DNAH11: variants seen among roughly 807,000 people sequenced by gnomAD.
DNAH11 encodes the protein dynein axonemal heavy chain 11.
A neutral mutation model predicts 526.0 loss-of-function variants in DNAH11; 442 were observed. That is an observed-to-expected ratio of 0.84 (90% CI 0.78 to 0.91). DNAH11 has a LOEUF of 0.91. DNAH11 is among the 40% of genes least tolerant of loss of function. DNAH11 has a pLI of 0.00. For synonymous variants in DNAH11, 2,461 were observed against 1,935.9 expected (o/e 1.27, Z -7.12); for missense variants, 6,989 against 5,448.7 (o/e 1.28, Z -8.90).
Position 21,655,849 on chromosome 7 carries a change from C to G in DNAH11, c.4962C>G (p.Ala1654=). The G allele has an allele frequency of 6.2e-7, 1 of 1,612,970 alleles. No individual in the cohort carries two copies. ...CATTTTAGGTAACATGTCACCTTGC[C>G]AAACTTTTCGACAGCATTGCAGATC... The part of the protein sequence containing the change: ...AQPKQVTCHL[A]KLFDSIADLQ... Residue 1654 remains alanine (A), a synonymous_variant, in exon 29 of 82, where the codon GCC becomes GCG. Transcript: ENST00000409508.
intron 20 of DNAH11, 137 bp from the exon 21 acceptor site, chr7:21,614,977 G>A (rs1362646422): frequency 7.8e-6 from 8 of 1,026,798 alleles, no homozygotes; most frequent in Middle Eastern, 2.2e-4. Flanking sequence ...CATTTTGCCA[G>A]TAATTACGCT....
At position 21,773,875 on chromosome 7, in the gene DNAH11, C is replaced by A; in HGVS notation, c.9212C>A (p.Pro3071Gln). Residue 3071 changes from proline to glutamine, a missense_variant, in exon 56 of 82, where the codon CCA becomes CAA. Pro to Gln is a moderately conservative substitution (Grantham distance 76). Transcript: ENST00000409508. ...QNERRHNYTTPKSFLEQISLF... is the reference protein window; with the variant it reads ...QNERRHNYTTQKSFLEQISLF... ...GAGAGAAGACACAACTATACCACCCCAAAGAGTTTTCTAGAACAAATATCA... is the reference window on the plus strand; with the variant it reads ...GAGAGAAGACACAACTATACCACCCAAAAGAGTTTTCTAGAACAAATATCA... The A allele has an allele frequency of 6.2e-7, 1 of 1,604,980 alleles. No individual in the cohort carries two copies. Among genetic ancestry groups the A allele is most frequent in the East Asian group, 2.2e-5 (1 of 44,510 alleles).
At chr7:21,632,935 A>G (rs147282375) in intron 25 of DNAH11, among the ~76,000 whole-genome samples, 3 of 152,302 alleles carry the variant, frequency 2.0e-5, no homozygotes, top group African/African-American at 2.4e-5. Flanking sequence ...AGATTGGGCA[A>G]TTTGTAAAAG....
chr7:21,556,194 C>G (rs903365844), intron 2 of DNAH11, among the ~76,000 whole-genome samples: 5 of 152,170 alleles, frequency 3.3e-5, no homozygotes, highest in African/African-American at 1.2e-4. Context: ...GTGAAACTTT[C>G]CTCCCTTTTA....
At chr7:21,899,618 G>A (rs774716678) in intron 80 of DNAH11, among the ~76,000 whole-genome samples, 170 bp downstream of exon 80, 20 of 152,172 alleles carry the variant, frequency 1.3e-4, no homozygotes, top group Non-Finnish European at 2.6e-4. Flanking sequence ...CTGGGCAGGC[G>A]AGTAGCAGCA....
chr7:21,656,450 G>A (rs1472605870), intron 29 of DNAH11, among the ~76,000 whole-genome samples: 4 of 152,126 alleles, frequency 2.6e-5, no homozygotes, highest in South Asian at 2.1e-4. Context: ...AAAGTTGATC[G>A]AGTCTAGCAA....
At chr7:21,767,696 G>A (rs1020463294) in intron 55 of DNAH11, among the ~76,000 whole-genome samples, 1 of 152,130 alleles carries the variant, frequency 6.6e-6, no homozygotes. Context: ...AATTTGTTGC[G>A]CAGGAGCAAT....
intron 42 of DNAH11, among the ~76,000 whole-genome samples, chr7:21,713,500 T>C (rs1784538459): frequency 1.3e-5 from 2 of 152,158 alleles, no homozygotes; most frequent in African/African-American, 2.4e-5. Flanking sequence ...TCCTTCCAGG[T>C]TCTGGCAGTC....
chr7:21,633,153 A>G (rs1226889624), intron 25 of DNAH11, among the ~76,000 whole-genome samples: 2 of 152,194 alleles, frequency 1.3e-5, no homozygotes, highest in Non-Finnish European at 2.9e-5. Flanking sequence ...ATTACCTCCC[A>G]GTGGGTCCCT....
At position 21,845,369 on chromosome 7, in the gene DNAH11, T is replaced by C. The variant is rs118065371; in HGVS notation, c.10896+2621T>C. 5.9e-3 allele frequency among the ~76,000 whole-genome samples: 901 copies of C among 152,284 alleles called. 4 individuals are homozygous for C. Among genetic ancestry groups the C allele is most frequent in the Non-Finnish European group, 9.5e-3 (647 of 68,010 alleles). On this transcript the variant is annotated intron_variant, in intron 66 of 81. Coordinates refer to ENST00000409508, the MANE Select transcript of DNAH11 (RefSeq NM_001277115.2). ...CTTACATTTAGCTCTGTTGTATATTTTGAGTTAATTTTTGTACGTGGTGTG... is the reference window on the plus strand; with the variant it reads ...CTTACATTTAGCTCTGTTGTATATTCTGAGTTAATTTTTGTACGTGGTGTG...
At chr7:21,861,816 A>C in intron 68 of DNAH11, 37 bp from the exon 69 acceptor site, 1 of 1,608,160 alleles carries the variant, frequency 6.2e-7, no homozygotes, top group Non-Finnish European at 8.5e-7. Flanking sequence ...TCCAGGCACC[A>C]GTTGTCACAT....
rs932796454 is a variant in DNAH11 at position 21,697,865 on chromosome 7, A to AT, written c.6042-208dup. 1.3e-3 allele frequency among the ~76,000 whole-genome samples: 194 copies of AT among 152,306 alleles called. 3 individuals are homozygous for AT. The highest frequency in any genetic ancestry group is 0.012 in the Admixed American group (190 of 15,296). ...GAACTCCTACACCTGTGCTTCTGCC[A>AT]TTCCAGACTTTCTATCATTTTTTGT... On this transcript the variant is annotated intron_variant, in intron 35 of 81. Coordinates refer to ENST00000409508, the MANE Select transcript of DNAH11 (RefSeq NM_001277115.2).
In DNAH11 at chr7:21,687,108, T is replaced by G; in HGVS notation, c.5631T>G (p.Ile1877Met). ...TTTCTATTGCTTAAAGGTGTTATAT[T>G]ACCTTAACTCAATCACTTCATCTAA... The part of the protein sequence containing the change: ...VITPLTDRCY[I>M]TLTQSLHLTM... Residue 1877 changes from isoleucine to methionine, a missense_variant, in exon 33 of 82, where the codon ATT becomes ATG. Physicochemically the swap from Ile to Met is conservative, Grantham distance 10. Transcript: ENST00000409508. 5 of 1,612,656 alleles carry G rather than the reference T, an allele frequency of 3.1e-6. No individual in the cohort carries two copies. Among genetic ancestry groups the G allele is most frequent in the Non-Finnish European group, 4.2e-6 (5 of 1,179,422 alleles).
chr7:21,643,673 G>T (rs1026086125), intron 28 of DNAH11, among the ~76,000 whole-genome samples: 1 of 152,102 alleles, frequency 6.6e-6, no homozygotes, highest in Non-Finnish European at 1.5e-5. Flanking sequence ...AAACAACTTG[G>T]GTGAGTGAAT....
At position 21,812,346 on chromosome 7, in the gene DNAH11, T is replaced by C. The variant is rs189689833; in HGVS notation, c.10333-4121T>C. Among the ~76,000 whole-genome samples the C allele has an allele frequency of 9.9e-5, 15 of 152,212 alleles. No homozygotes were observed. In the East Asian group the frequency reaches 2.9e-3, roughly 29 times the overall value. On this transcript the variant is annotated intron_variant, in intron 63 of 81. Transcript: ENST00000409508. ...GGGAAGAAAGAGGAATAGCAACTCTTTCCCACACCCACTTTTCAGTAATGG... is the reference window on the plus strand; with the variant it reads ...GGGAAGAAAGAGGAATAGCAACTCTCTCCCACACCCACTTTTCAGTAATGG...
intron 56 of DNAH11, 73 bp downstream of exon 56, chr7:21,774,072 A>C: frequency 7.6e-7 from 1 of 1,312,684 alleles, no homozygotes; most frequent in East Asian, 2.5e-5. Context: ...CTTTTGAAGC[A>C]CTACTAAATC....
chr7:21,837,716 G>GTA (rs1020079027), intron 65 of DNAH11, among the ~76,000 whole-genome samples: 2 of 152,122 alleles, frequency 1.3e-5, no homozygotes, highest in Non-Finnish European at 2.9e-5. Context: ...ACCACTTGAA[G>GTA]TATGCAATTC....
At chr7:21,687,715 A>G (rs1022132226) in intron 34 of DNAH11, among the ~76,000 whole-genome samples, 188 bp downstream of exon 34, 1 of 152,160 alleles carries the variant, frequency 6.6e-6, no homozygotes, top group African/African-American at 2.4e-5. Flanking sequence ...AGTGTTGAGT[A>G]CAACACATGT....
rs531457236 is a variant in DNAH11, at chr7:21,630,110, G to A, written c.4501-5761G>A. ...TTTTGCATTGTGGTTACCATGAGTC[G>A]TAGAAAAACTATACCAAGTTATTTT... On this transcript the variant is annotated intron_variant, in intron 25 of 81. Coordinates refer to ENST00000409508, the MANE Select transcript of DNAH11 (RefSeq NM_001277115.2). Among the ~76,000 whole-genome samples, 17 of 151,284 alleles carry A rather than the reference G, an allele frequency of 1.1e-4. No homozygotes were observed. In the East Asian group the frequency reaches 1.6e-3, roughly 14 times the overall value.
Sources: allele counts gnomAD v4.1 joint callset (sites outside exome capture counted in the v4.1 genomes callset), GRCh38; gene constraint gnomAD v4.1.1; transcripts MANE v1.5; gene names NCBI Gene and HGNC (gene_info 2026-07-23, HGNC 2026-07-21).